The following GPATCH2 variants were observed in gnomAD, a reference collection of about 807,000 sequenced individuals.
GPATCH2 encodes G patch domain-containing protein 2.
In GPATCH2, 51 loss-of-function variants were observed where a neutral mutation model predicts 58.0. That is an observed-to-expected ratio of 0.88 (90% CI 0.70 to 1.11). The LOEUF is 1.11. Among genes scored for constraint, GPATCH2 ranks in the 50% most tolerant of loss-of-function variants. The pLI is 0.00. For synonymous variants in GPATCH2, 222 were observed against 218.5 expected (o/e 1.02, Z -0.14); for missense variants, 625 against 652.2 (o/e 0.96, Z 0.45).
intron 8 of GPATCH2, among the ~76,000 whole-genome samples, chr1:217,458,473 T>C (rs80000790): frequency 1.7e-4 from 26 of 152,322 alleles, no homozygotes; most frequent in Non-Finnish European, 3.2e-4. Context: ...TTACCATATG[T>C]AAATGAAGAC....
At chr1:217,571,980 A>AGAAG (rs1189324019) in intron 5 of GPATCH2, among the ~76,000 whole-genome samples, 15 of 137,466 alleles carry the variant, frequency 1.1e-4, no homozygotes, top group Non-Finnish European at 9.5e-5. Context: ...AAAGAAAGAA[A>AGAAG]GAAGGAAGGA....
intron 8 of GPATCH2, among the ~76,000 whole-genome samples, chr1:217,472,486 T>G (rs894698696): frequency 3.3e-5 from 5 of 151,996 alleles, no homozygotes; most frequent in African/African-American, 1.2e-4. Flanking sequence ...GTGTTTTTAA[T>G]AGAGACGGGG....
At chr1:217,475,378 G>T (rs2102508839) in intron 8 of GPATCH2, among the ~76,000 whole-genome samples, 1 of 152,238 alleles carries the variant, frequency 6.6e-6, no homozygotes. Flanking sequence ...GGCAGAGGTT[G>T]CAGCGAGCCG....
rs570946586 is a variant in GPATCH2, at chr1:217,516,853, A to C, written c.1099-1964T>G. 7.9e-5 allele frequency among the ~76,000 whole-genome samples: 12 copies of C among 152,328 alleles called. No individual in the cohort carries two copies. The South Asian group carries it at 2.3e-3, about 29-fold the overall frequency. ...AGCAGAAGCTATTTTCAGGACTAAA[A>C]TTGTTTGTTTACCTGAAGCTATACT... On this transcript the variant is annotated intron_variant, in intron 5 of 9. Coordinates refer to ENST00000366935, the MANE Select transcript of GPATCH2 (RefSeq NM_018040.5).
chr1:217,588,928 A>G (rs1667465369), intron 5 of GPATCH2, among the ~76,000 whole-genome samples: 1 of 152,218 alleles, frequency 6.6e-6, no homozygotes, highest in South Asian at 2.1e-4. Flanking sequence ...AACTAATAAC[A>G]GTTATGCAGT....
At chr1:217,464,263 T>A (rs1660338810) in intron 8 of GPATCH2, among the ~76,000 whole-genome samples, 1 of 152,124 alleles carries the variant, frequency 6.6e-6, no homozygotes, top group Non-Finnish European at 1.5e-5. Flanking sequence ...CAACAAGGTA[T>A]TCCCCAAACC....
At chr1:217,542,704 A>G (rs1664811454) in intron 5 of GPATCH2, among the ~76,000 whole-genome samples, 1 of 152,242 alleles carries the variant, frequency 6.6e-6, no homozygotes, top group South Asian at 2.1e-4. Context: ...TCTCAGCATA[A>G]TAAGACTGGC....
At position 217,631,038 on chromosome 1, in the gene GPATCH2, G is replaced by T. The variant is rs543822054; in HGVS notation, c.-67C>A. 14 of 1,427,338 alleles carry T rather than the reference G, an allele frequency of 9.8e-6. No individual in the cohort carries two copies. In the East Asian group the frequency reaches 2.7e-4, roughly 27 times the overall value. 88.4% of individuals were successfully genotyped at this position (1,427,338 alleles called of 1,614,324 possible). ...AACAGACTCCAACTACAACAGCACC[G>T]GCGACTTCCAAAGAGCAGTTCAGCA... On this transcript the variant is annotated 5_prime_UTR_variant, in exon 1 of 10. Transcript: ENST00000366935.
intron 5 of GPATCH2, among the ~76,000 whole-genome samples, chr1:217,588,528 C>A (rs1335757765): frequency 6.6e-6 from 1 of 151,892 alleles, no homozygotes; most frequent in Non-Finnish European, 1.5e-5. Flanking sequence ...CTTAATTGAA[C>A]CATAAGACAT....
intron 9 of GPATCH2, among the ~76,000 whole-genome samples, chr1:217,440,035 T>C (rs907302782): frequency 1.3e-5 from 2 of 152,252 alleles, no homozygotes; most frequent in Non-Finnish European, 2.9e-5. Flanking sequence ...ATCATCCTGA[T>C]ACCAAAACTT....
intron 5 of GPATCH2, among the ~76,000 whole-genome samples, chr1:217,577,910 G>T (rs1379518733): frequency 2.0e-5 from 3 of 151,814 alleles, no homozygotes; most frequent in Non-Finnish European, 4.4e-5. Flanking sequence ...ACCACCCCTG[G>T]CTAATTTTGT....
chr1:217,627,051 T>C (rs368914783), intron 1 of GPATCH2, among the ~76,000 whole-genome samples: 4 of 152,166 alleles, frequency 2.6e-5, no homozygotes, highest in African/African-American at 9.6e-5. Context: ...ATGAATTTGG[T>C]AGCTAATTCC....
Position 217,524,799 on chromosome 1 carries a change from G to T in GPATCH2, c.1099-9910C>A, listed in dbSNP as rs1019513106. 2.2e-5 allele frequency among the ~76,000 whole-genome samples: 3 copies of T among 137,140 alleles called. No individual in the cohort carries two copies. The Admixed American group carries it at 2.2e-4, about 10-fold the overall frequency. The allele number at this position is 137,140 out of a possible 152,430, so 90.0% of individuals were successfully genotyped here. On this transcript the variant is annotated intron_variant, in intron 5 of 9. Transcript: ENST00000366935. ...TCAGGCAGGGAGGTTGCAGTGAGCC[G>T]AGATGGCAGCAGTACAGTCCAGCTT...
At chr1:217,507,786 C>T (rs531585642) in intron 6 of GPATCH2, among the ~76,000 whole-genome samples, 10 of 152,164 alleles carry the variant, frequency 6.6e-5, no homozygotes, top group Admixed American at 3.3e-4. Context: ...TGTTAACCAA[C>T]AATTAATAGA....
At chr1:217,516,970 T>C (rs1663190130) in intron 5 of GPATCH2, among the ~76,000 whole-genome samples, 1 of 152,188 alleles carries the variant, frequency 6.6e-6, no homozygotes, top group African/African-American at 2.4e-5. Context: ...ATGTGATAAA[T>C]TGCCTGATGA....
chr1:217,456,570 G>C (rs1659953654), intron 8 of GPATCH2, among the ~76,000 whole-genome samples: 1 of 152,220 alleles, frequency 6.6e-6, no homozygotes, highest in Admixed American at 6.5e-5. Flanking sequence ...AAGGAGGTGA[G>C]ATGCAGGGGA....
intron 5 of GPATCH2, among the ~76,000 whole-genome samples, chr1:217,588,605 G>C (rs1667448258): frequency 6.6e-6 from 1 of 151,980 alleles, no homozygotes; most frequent in Non-Finnish European, 1.5e-5. Flanking sequence ...AAATGAAATA[G>C]AGTAAAAAAT....
chr1:217,448,100 G>GAA (rs796368256), intron 9 of GPATCH2, among the ~76,000 whole-genome samples: 11 of 115,650 alleles, frequency 9.5e-5, no homozygotes, highest in Non-Finnish European at 1.3e-4. Flanking sequence ...CTCTGTCTCA[G>GAA]AAAAAAAAAA....
Position 217,570,360 on chromosome 1 carries a change from G to A in GPATCH2, c.1098+39961C>T, listed in dbSNP as rs941598491. Among the ~76,000 whole-genome samples, 2 of 152,136 alleles carry A rather than the reference G, an allele frequency of 1.3e-5. 1 individual carries two copies. The highest frequency in any genetic ancestry group is 6.8e-3 in the Middle Eastern group (2 of 294). ...ATTCCTGACCGCAAGTGATCCGCCC[G>A]CCTCGGCCTCCCAAAGTGCTGGGAT... On this transcript the variant is annotated intron_variant, in intron 5 of 9. Coordinates refer to ENST00000366935, the MANE Select transcript of GPATCH2 (RefSeq NM_018040.5).
Sources: allele counts gnomAD v4.1 joint callset (sites outside exome capture counted in the v4.1 genomes callset), GRCh38; gene constraint gnomAD v4.1.1; transcripts MANE v1.5; gene names NCBI Gene and HGNC (gene_info 2026-07-23, HGNC 2026-07-21).